KCNIP4: variants seen among roughly 807,000 people sequenced by gnomAD.
KCNIP4 encodes Kv channel-interacting protein 4.
A neutral mutation model predicts 34.0 loss-of-function variants in KCNIP4; 12 were observed. The ratio of observed to expected loss-of-function variants is 0.35; its 90% confidence interval spans 0.23 to 0.57. The LOEUF is 0.57. Among genes scored for constraint, KCNIP4 ranks in the 20% least tolerant of loss-of-function variants. KCNIP4 has a pLI of 0.83. For missense variants in KCNIP4, 238 were observed against 311.7 expected (o/e 0.76, Z 1.78); for synonymous variants, 124 against 102.2 (o/e 1.21, Z -1.29).
intron 1 of KCNIP4, among the ~76,000 whole-genome samples, chr4:21,911,113 G>C (rs1308650795): frequency 6.6e-6 from 1 of 151,832 alleles, no homozygotes; most frequent in African/African-American, 2.4e-5. Flanking sequence ...ATCAATTTTG[G>C]CAACTTTAGA....
chr4:21,351,227 G>A (rs1717970813), intron 1 of KCNIP4, among the ~76,000 whole-genome samples: 1 of 152,074 alleles, frequency 6.6e-6, no homozygotes, highest in Admixed American at 6.6e-5. Context: ...GATATGGTTT[G>A]GCTGTGTCCC....
intron 1 of KCNIP4, among the ~76,000 whole-genome samples, chr4:21,493,301 A>G (rs1316828766): frequency 6.6e-6 from 1 of 152,038 alleles, no homozygotes; most frequent in Admixed American, 6.6e-5. Context: ...CTGAAGTGCC[A>G]TTAGGTGTGT....
At chr4:20,850,115 T>C (rs1720843674) in intron 3 of KCNIP4, among the ~76,000 whole-genome samples, 1 of 152,194 alleles carries the variant, frequency 6.6e-6, no homozygotes, top group Non-Finnish European at 1.5e-5. Flanking sequence ...CAGCATGGTT[T>C]TTTAAACTAT....
chr4:20,858,903 A>G (rs1445564716), intron 2 of KCNIP4, among the ~76,000 whole-genome samples: 1 of 152,210 alleles, frequency 6.6e-6, no homozygotes, highest in Non-Finnish European at 1.5e-5. Context: ...ACTCAAGGTC[A>G]TACAGCTTAC....
At chr4:20,828,195 G>A (rs1190710502) in intron 3 of KCNIP4, among the ~76,000 whole-genome samples, 1 of 152,188 alleles carries the variant, frequency 6.6e-6, no homozygotes, top group Admixed American at 6.5e-5. Context: ...TTGGGAGGCC[G>A]AGGCGGGTGG....
intron 1 of KCNIP4, among the ~76,000 whole-genome samples, chr4:21,868,754 C>A (rs1387878872): frequency 1.3e-5 from 2 of 152,104 alleles, no homozygotes; most frequent in Non-Finnish European, 2.9e-5. Flanking sequence ...TCAGGAAATA[C>A]AATTTAGAAA....
At chr4:21,037,903 G>C (rs1741593847) in intron 1 of KCNIP4, among the ~76,000 whole-genome samples, 1 of 152,124 alleles carries the variant, frequency 6.6e-6, no homozygotes, top group African/African-American at 2.4e-5. Flanking sequence ...GACTTCCACT[G>C]TGTTTCTCCC....
At chr4:20,925,052 G>A (rs1729763219) in intron 1 of KCNIP4, among the ~76,000 whole-genome samples, 1 of 152,136 alleles carries the variant, frequency 6.6e-6, no homozygotes, top group South Asian at 2.1e-4. Flanking sequence ...TTTTTGAAAT[G>A]TGAAAATGGT....
intron 1 of KCNIP4, among the ~76,000 whole-genome samples, chr4:21,049,246 G>A (rs572850314): frequency 4.0e-4 from 61 of 152,148 alleles, no homozygotes; most frequent in African/African-American, 1.3e-3. Context: ...CACCGCGCCC[G>A]GCCCAGTACC....
At chr4:20,850,251 GA>G in intron 3 of KCNIP4, 1 of 203,382 alleles carries the variant, frequency 4.9e-6, no homozygotes, top group Non-Finnish European at 9.9e-6. Context: ...GAAGTTTAAT[GA>G]AATTATGTCA....
chr4:21,556,326 A>C (rs1464735899), intron 1 of KCNIP4, among the ~76,000 whole-genome samples: 1 of 152,154 alleles, frequency 6.6e-6, no homozygotes. Flanking sequence ...CACTACATCC[A>C]ATTTAAAGAA....
intron 1 of KCNIP4, among the ~76,000 whole-genome samples, chr4:21,683,819 T>C (rs1372130413): frequency 6.6e-6 from 1 of 152,142 alleles, no homozygotes; most frequent in Non-Finnish European, 1.5e-5. Flanking sequence ...TCATTATCCT[T>C]AGCAAACTAA....
chr4:20,891,344 T>A (rs1725892100), intron 1 of KCNIP4, among the ~76,000 whole-genome samples: 1 of 152,140 alleles, frequency 6.6e-6, no homozygotes, highest in Non-Finnish European at 1.5e-5. Flanking sequence ...AGGTGGCTCA[T>A]GCCTGTAATC....
intron 1 of KCNIP4, among the ~76,000 whole-genome samples, chr4:21,205,928 C>T (rs1029921943): frequency 2.0e-5 from 3 of 152,304 alleles, no homozygotes; most frequent in African/African-American, 7.2e-5. Flanking sequence ...ATATAACATC[C>T]GTGACATCGA....
chr4:21,254,507 GTTATTC>G (rs1314398599), intron 1 of KCNIP4, among the ~76,000 whole-genome samples: 1 of 152,074 alleles, frequency 6.6e-6, no homozygotes, highest in African/African-American at 2.4e-5. Flanking sequence ...ATTCCTCCAA[GTTATTC>G]TTATGCATTT....
intron 1 of KCNIP4, among the ~76,000 whole-genome samples, chr4:21,915,418 A>G (rs1271608906): frequency 6.6e-6 from 1 of 152,226 alleles, no homozygotes; most frequent in Non-Finnish European, 1.5e-5. Context: ...AATCTTTTTA[A>G]CAACTCCAGT....
intron 1 of KCNIP4, among the ~76,000 whole-genome samples, chr4:21,580,544 T>A (rs1450875394): frequency 6.6e-6 from 1 of 152,262 alleles, no homozygotes; most frequent in Middle Eastern, 3.4e-3. Flanking sequence ...GCATCAAAAC[T>A]GTATTTGCCC....
intron 1 of KCNIP4, among the ~76,000 whole-genome samples, chr4:21,354,258 A>G (rs1254814267): frequency 2.0e-5 from 3 of 152,204 alleles, no homozygotes; most frequent in Non-Finnish European, 4.4e-5. Context: ...CAAAATAACC[A>G]GATAACATCA....
At chr4:21,098,710 T>C (rs1044549841) in intron 1 of KCNIP4, among the ~76,000 whole-genome samples, 1 of 152,062 alleles carries the variant, frequency 6.6e-6, no homozygotes, top group South Asian at 2.1e-4. Flanking sequence ...TGAAAACATA[T>C]AAGGAGATTA....
Sources: allele counts gnomAD v4.1 joint callset (sites outside exome capture counted in the v4.1 genomes callset), GRCh38; gene constraint gnomAD v4.1.1; transcripts MANE v1.5; gene names NCBI Gene and HGNC (gene_info 2026-07-23, HGNC 2026-07-21).